The following MYOM1 variants were observed in gnomAD, a reference collection of about 807,000 sequenced individuals.
MYOM1 encodes myomesin 1, also known as myomesin-1.
In MYOM1, 164 loss-of-function variants were observed where a neutral mutation model predicts 205.3. That is an observed-to-expected ratio of 0.80 (90% CI 0.70 to 0.91). The LOEUF (loss-of-function observed/expected upper bound fraction) is 0.91. Ranked by LOEUF, MYOM1 falls within the 40% of genes least tolerant of loss-of-function variation. The pLI is 0.00. For missense variants in MYOM1, 2,011 were observed against 2,127.3 expected (o/e 0.95, Z 1.08); for synonymous variants, 772 against 789.4 (o/e 0.98, Z 0.37).
rs1171034400 is a variant in MYOM1, at chr18:3,113,208, GTA to G, written c.3304-798_3304-797del. On this transcript the variant is annotated intron_variant, in intron 21 of 37. Transcript: ENST00000356443. ...CACACACATACATATATACACACATGTATATATATATACACACATGTATATAT... is the reference window on the plus strand; with the variant it reads ...CACACACATACATATATACACACATGTATATATATACACACATGTATATAT... Among the ~76,000 whole-genome samples the G allele has an allele frequency of 3.6e-3, 14 of 3,858 alleles. 2 individuals carry two copies. The highest frequency in any genetic ancestry group is 0.083 in the East Asian group (1 of 12). The allele number at this position is 3,858 out of a possible 152,430, so 2.5% of individuals were successfully genotyped here.
intron 33 of MYOM1, 50 bp from the exon 34 acceptor site, chr18:3,079,392 G>C: frequency 6.6e-7 from 1 of 1,524,668 alleles, no homozygotes; most frequent in African/African-American, 1.4e-5. Flanking sequence ...ATCCAGGGCT[G>C]ATCTTTACTT....
At chr18:3,086,977 C>T (rs2079162481) in intron 29 of MYOM1, among the ~76,000 whole-genome samples, 1 of 152,152 alleles carries the variant, frequency 6.6e-6, no homozygotes, top group African/African-American at 2.4e-5. Flanking sequence ...TGACAATATA[C>T]AGGTTTTAAA....
At chr18:3,131,265 A>G (rs2079871350) in intron 17 of MYOM1, 110 bp downstream of exon 17, 2 of 1,228,020 alleles carry the variant, frequency 1.6e-6, no homozygotes, top group Admixed American at 2.1e-5. Context: ...CTAAGGATGC[A>G]ATCATCCAGC....
chr18:3,241,222 C>A, the MYOM1 span, among the ~76,000 whole-genome samples: 1 of 152,178 alleles, frequency 6.6e-6, no homozygotes, highest in African/African-American at 2.4e-5. Flanking sequence ...GAAAATATTT[C>A]CAGGGCATCT....
chr18:3,199,234 C>T (rs2081034212), intron 2 of MYOM1, among the ~76,000 whole-genome samples: 1 of 152,190 alleles, frequency 6.6e-6, no homozygotes, highest in East Asian at 1.9e-4. Flanking sequence ...CCACATCCAG[C>T]AGCACTGTGA....
rs191615552 is a variant in MYOM1, at chr18:3,184,904, C to T, written c.929+2576G>A. On this transcript the variant is annotated intron_variant, in intron 5 of 37. Transcript: ENST00000356443. ...CTTCCCTTTTGTTTGAAATGAGCCC[C>T]TAGGACATAAACTTCACATGTAAAG... Among the ~76,000 whole-genome samples, 4 of 152,312 alleles carry T rather than the reference C, an allele frequency of 2.6e-5. No homozygotes were observed. The East Asian group carries it at 7.7e-4, about 29-fold the overall frequency.
At chr18:3,173,614 GTGTGTT>G (rs1374517015) in intron 8 of MYOM1, among the ~76,000 whole-genome samples, 2 of 148,336 alleles carry the variant, frequency 1.3e-5, no homozygotes, top group Non-Finnish European at 3.0e-5. Flanking sequence ...GTGTGTGTGT[GTGTGTT>G]TGGTTAAGTC....
At chr18:3,216,337 G>A (rs1172800174) in intron 1 of MYOM1, among the ~76,000 whole-genome samples, 1 of 152,294 alleles carries the variant, frequency 6.6e-6, no homozygotes, top group East Asian at 1.9e-4. Flanking sequence ...TAATTACCTT[G>A]TACAGAACTG....
chr18:3,080,379 A>C (rs1211882996), intron 33 of MYOM1, among the ~76,000 whole-genome samples: 1 of 152,166 alleles, frequency 6.6e-6, no homozygotes, highest in African/African-American at 2.4e-5. Flanking sequence ...AAACATAGAA[A>C]AACAAATTTT....
In MYOM1 at chr18:3,154,934, C is replaced by T. The variant is rs780773226; in HGVS notation, c.1643+13G>A. On this transcript the variant is annotated intron_variant, in intron 11 of 37. Coordinates refer to ENST00000356443, the MANE Select transcript of MYOM1 (RefSeq NM_003803.4). ...ACCAAATAACTGTAATTGATGTTAG[C>T]CTAAGCACTAACTTATCAATAAAAT... 1 of 1,606,898 alleles carries T rather than the reference C, an allele frequency of 6.2e-7. No individual in the cohort carries two copies. Among genetic ancestry groups the T allele is most frequent in the Non-Finnish European group, 8.5e-7 (1 of 1,176,454 alleles).
chr18:3,083,332 G>C (rs1322883391), intron 33 of MYOM1, among the ~76,000 whole-genome samples: 2 of 151,894 alleles, frequency 1.3e-5, no homozygotes, highest in Admixed American at 6.6e-5. Context: ...CTCCTTACTT[G>C]AGAAGAACAG....
chr18:3,159,511 G>C (rs1386019883), intron 10 of MYOM1, among the ~76,000 whole-genome samples: 1 of 152,142 alleles, frequency 6.6e-6, no homozygotes, highest in Non-Finnish European at 1.5e-5. Flanking sequence ...CTTGTAGGTA[G>C]ATACCCAAGA....
intron 11 of MYOM1, among the ~76,000 whole-genome samples, chr18:3,153,821 T>C (rs915973944): frequency 1.3e-5 from 2 of 152,200 alleles, no homozygotes; most frequent in Non-Finnish European, 2.9e-5. Flanking sequence ...TACAATGAGA[T>C]TTCATTACTC....
At chr18:3,090,945 G>T in intron 26 of MYOM1, 143 bp from the exon 27 acceptor site, 3 of 1,018,222 alleles carry the variant, frequency 2.9e-6, no homozygotes, top group Non-Finnish European at 4.2e-6. Flanking sequence ...ACTTTGGGAG[G>T]TCGAGGTGGG....
Position 3,135,745 on chromosome 18 carries a change from G to A in MYOM1, c.2026-15C>T. On this transcript the variant is annotated splice_polypyrimidine_tract_variant and intron_variant, in intron 14 of 37. Coordinates refer to ENST00000356443, the MANE Select transcript of MYOM1 (RefSeq NM_003803.4). The surrounding 1 kb of genome is among the most constrained non-coding windows in gnomAD (Gnocchi z 4.1). ...CCTGCCTCACACTGCAGCAAGAACA[G>A]GGAAACCCATTGAAAGCACAGCAAA... 2 of 1,613,360 alleles carry A rather than the reference G, an allele frequency of 1.2e-6. No homozygotes were observed. The highest frequency in any genetic ancestry group is 1.7e-6 in the Non-Finnish European group (2 of 1,179,566).
At chr18:3,237,158 TAAAG>T in the MYOM1 span, among the ~76,000 whole-genome samples, 3 of 151,860 alleles carry the variant, frequency 2.0e-5, no homozygotes, top group Admixed American at 6.6e-5. Flanking sequence ...AAAACTAAAA[TAAAG>T]AGAGAATTGG....
the MYOM1 span, among the ~76,000 whole-genome samples, chr18:3,226,750 G>A: frequency 6.6e-6 from 1 of 152,120 alleles, no homozygotes; most frequent in Non-Finnish European, 1.5e-5. The surrounding 1 kb of genome is among the most constrained non-coding windows in gnomAD (Gnocchi z 4.6). Context: ...CCAGTACCCA[G>A]CAAAGCTCCT....
intron 26 of MYOM1, among the ~76,000 whole-genome samples, chr18:3,093,413 C>T (rs952142523): frequency 2.0e-5 from 3 of 151,858 alleles, no homozygotes; most frequent in Non-Finnish European, 4.4e-5. Flanking sequence ...ACTCTATCTA[C>T]AAAAACTATG....
rs772896672 is a variant in MYOM1, at chr18:3,094,324, A to G, written c.3728-18T>C. ...TGGGACAGCTATGAAAAGTAAAAAT[A>G]AACACAGTAATTATATTGGTAACCA... is the stretch of plus-strand genomic sequence containing the variant. On this transcript the variant is annotated intron_variant, in intron 25 of 37. Coordinates refer to ENST00000356443, the MANE Select transcript of MYOM1 (RefSeq NM_003803.4). 1 of 1,599,478 alleles carries G rather than the reference A, an allele frequency of 6.3e-7. No homozygotes were observed. The highest frequency in any genetic ancestry group is 8.5e-7 in the Non-Finnish European group (1 of 1,172,774).
Sources: allele counts gnomAD v4.1 joint callset (sites outside exome capture counted in the v4.1 genomes callset), GRCh38; gene constraint gnomAD v4.1.1; non-coding constraint Gnocchi (gnomAD v3.1); transcripts MANE v1.5; gene names NCBI Gene and HGNC (gene_info 2026-07-23, HGNC 2026-07-21).